SVBP: variants seen among roughly 807,000 people sequenced by gnomAD.
SVBP encodes small vasohibin-binding protein.
In SVBP, 9 loss-of-function variants were observed where a neutral mutation model predicts 9.2. The ratio of observed to expected loss-of-function variants is 0.98; its 90% CI spans 0.59 to 1.71. The LOEUF (loss-of-function observed/expected upper bound fraction) is 1.71. Among genes scored for constraint, SVBP ranks in the 40% most tolerant of loss-of-function variants. SVBP has a pLI of 0.00. For synonymous variants in SVBP, 27 were observed against 23.9 expected (o/e 1.13, Z -0.37); for missense variants, 63 against 73.2 (o/e 0.86, Z 0.51).
intron 2 of SVBP, among the ~76,000 whole-genome samples, chr1:42,814,168 G>T (rs548002962): frequency 6.7e-6 from 1 of 148,598 alleles, no homozygotes; most frequent in East Asian, 2.0e-4. Flanking sequence ...GGCAACCTCC[G>T]TCTCCTGGGT....
intron 2 of SVBP, among the ~76,000 whole-genome samples, chr1:42,810,521 C>T (rs191125966): frequency 2.6e-4 from 40 of 152,224 alleles, no homozygotes; most frequent in African/African-American, 8.9e-4. Flanking sequence ...TTTTAATCTG[C>T]ACATTACTGT....
rs752044972 is a variant in SVBP at position 42,816,491 on chromosome 1, T to C, written c.54A>G (p.Arg18=). The C allele has an allele frequency of 3.7e-6, 6 of 1,614,096 alleles. No individual in the cohort carries two copies. The African/African-American group carries it at 8.0e-5, about 22-fold the overall frequency. The part of the protein sequence containing the change: ...EKTKVKESVS[R]VEKAKQKSAQ... ...CTGATTTCTGTTTGGCCTTCTCAACTCTGCTGACAGATTCTTTAACTTTGG... is the reference window on the plus strand; with the variant it reads ...CTGATTTCTGTTTGGCCTTCTCAACCCTGCTGACAGATTCTTTAACTTTGG... The change falls in exon 2 of 3, where the codon AGA becomes AGG. Residue 18 remains arginine (R), a synonymous_variant. Coordinates refer to ENST00000372521, the MANE Select transcript of SVBP (RefSeq NM_199342.4).
chr1:42,808,389 C>A (rs1654012352), intron 2 of SVBP, among the ~76,000 whole-genome samples: 1 of 139,236 alleles, frequency 7.2e-6, no homozygotes, highest in African/African-American at 2.7e-5. Flanking sequence ...TATATATAGG[C>A]TATATATAGT....
chr1:42,814,856 T>A lies in SVBP; in HGVS notation c.114+1575A>T, dbSNP rs532681347. ...CTAGAAATACCATTTGACCCAGCCA[T>A]CCCATTACTGGGTATATACCCAAAG... is the stretch of plus-strand genomic sequence containing the variant. On this transcript the variant is annotated intron_variant, in intron 2 of 2. Coordinates refer to ENST00000372521, the MANE Select transcript of SVBP (RefSeq NM_199342.4). Among the ~76,000 whole-genome samples, 6 of 152,210 alleles carry A rather than the reference T, an allele frequency of 3.9e-5. No individual in the cohort carries two copies. The South Asian group carries it at 1.2e-3, about 32-fold the overall frequency.
chr1:42,816,245 G>T, intron 2 of SVBP, 186 bp downstream of exon 2: 1 of 518,198 alleles, frequency 1.9e-6, no homozygotes, highest in South Asian at 2.8e-5. Context: ...CACTAACTTG[G>T]CATGTGATTC....
chr1:42,810,125 TAC>T (rs60221264), intron 2 of SVBP, among the ~76,000 whole-genome samples: 30,458 of 140,700 alleles, frequency 0.22, 3,277 homozygotes, highest in East Asian at 0.42. Context: ...CATACATACA[TAC>T]ACACACACAC....
At chr1:42,807,622 C>A in intron 2 of SVBP, 122 bp from the exon 3 acceptor site, 1 of 720,038 alleles carries the variant, frequency 1.4e-6, no homozygotes, top group South Asian at 1.6e-5. Flanking sequence ...AATGCAGGGA[C>A]AGTGCTCTGG....
intron 2 of SVBP, among the ~76,000 whole-genome samples, chr1:42,812,742 T>A (rs1219521721): frequency 6.6e-6 from 1 of 152,252 alleles, no homozygotes; most frequent in Non-Finnish European, 1.5e-5. Context: ...AACCTTTTAG[T>A]ATGCTTTTGC....
chr1:42,816,379 A>G, intron 2 of SVBP, 52 bp downstream of exon 2: 1 of 1,272,286 alleles, frequency 7.9e-7, no homozygotes, highest in East Asian at 2.3e-5. Context: ...TCTCTATTCC[A>G]GCATCATCTC....
chr1:42,807,287 G>T lies in SVBP; in HGVS notation c.*127C>A. Reference sequence around the variant, plus strand: ...AAGTTAGAAGTTACACACAGGAAGTGAGTTCAGATTTATCCACAAATGTCT... The same window carrying T: ...AAGTTAGAAGTTACACACAGGAAGTTAGTTCAGATTTATCCACAAATGTCT... On this transcript the variant is annotated 3_prime_UTR_variant, in exon 3 of 3. Transcript: ENST00000372521. The T allele has an allele frequency of 1.7e-6, 1 of 590,186 alleles. No individual in the cohort carries two copies. The highest frequency in any genetic ancestry group is 2.4e-5 in the South Asian group (1 of 41,096). The allele number at this position is 590,186 out of a possible 1,614,324, so 36.6% of individuals were successfully genotyped here.
intron 2 of SVBP, among the ~76,000 whole-genome samples, chr1:42,808,665 CTATATATGTATG>C (rs1654018782): frequency 6.7e-6 from 1 of 149,250 alleles, no homozygotes; most frequent in South Asian, 2.1e-4. Flanking sequence ...TATATATAAG[CTATATATGTATG>C]TATATATCGC....
chr1:42,807,506 T>G lies in SVBP; in HGVS notation c.115-6A>C. 6.2e-7 allele frequency: 1 copy of G among 1,608,550 alleles called. No homozygotes were observed. Among genetic ancestry groups the G allele is most frequent in the Non-Finnish European group, 8.5e-7 (1 of 1,175,146 alleles). ...ACTCTGTTGAGGGCATAGATCTGAA[T>G]GAGAGAAAGAGATACATCTGTTAGC... is the stretch of plus-strand genomic sequence containing the variant. On this transcript the variant is annotated splice_region_variant and splice_polypyrimidine_tract_variant and intron_variant, in intron 2 of 2. Transcript: ENST00000372521.
chr1:42,812,614 T>A (rs935274120), intron 2 of SVBP, among the ~76,000 whole-genome samples: 3 of 152,218 alleles, frequency 2.0e-5, no homozygotes, highest in Admixed American at 2.0e-4. Flanking sequence ...AAATTTGCAA[T>A]GTTGTCACAT....
intron 2 of SVBP, among the ~76,000 whole-genome samples, chr1:42,809,747 A>C (rs559675312): frequency 2.6e-4 from 40 of 152,338 alleles, no homozygotes; most frequent in African/African-American, 8.9e-4. Context: ...CGGCTGATGA[A>C]ACTAGTAAAT....
At chr1:42,816,033 G>C (rs979623451) in intron 2 of SVBP, among the ~76,000 whole-genome samples, 4 of 152,216 alleles carry the variant, frequency 2.6e-5, no homozygotes, top group African/African-American at 7.2e-5. Context: ...GAACACACTG[G>C]TGAGTTTAAA....
chr1:42,809,445 G>A (rs892793015), intron 2 of SVBP, among the ~76,000 whole-genome samples: 10 of 151,996 alleles, frequency 6.6e-5, no homozygotes, highest in African/African-American at 2.4e-4. Context: ...AAAAAACCTT[G>A]CAAACCTCTG....
rs769441994 is a variant in SVBP at position 42,817,263 on chromosome 1, G to C, written c.-110C>G. On this transcript the variant is annotated 5_prime_UTR_variant, in exon 1 of 3. Coordinates refer to ENST00000372521, the MANE Select transcript of SVBP (RefSeq NM_199342.4). The stretch of plus-strand genomic sequence containing the variant: ...CAACGCCTCCGGGAGGGTAATCCTC[G>C]CCTTCCCCCGACCACTGGACCCAGC... The C allele has an allele frequency of 8.0e-7, 1 of 1,245,400 alleles. No individual in the cohort carries two copies. The highest frequency in any genetic ancestry group is 2.6e-5 in the Admixed American group (1 of 38,418). 77.1% of individuals were successfully genotyped at this position (1,245,400 alleles called of 1,614,324 possible). A position where few individuals can be genotyped will look rare whatever the true frequency, so the allele number is the denominator to read the frequency against.
Position 42,807,153 on chromosome 1 carries a change from G to GTGTTTTTTT in SVBP, c.*260_*261insAAAAAAACA, listed in dbSNP as rs370658595. 5.6e-6 allele frequency: 1 copy of GTGTTTTTTT among 177,824 alleles called. No homozygotes were observed. 11.0% of individuals were successfully genotyped at this position (177,824 alleles called of 1,614,324 possible). ...AATAGAAAAAGTGTTTTTTGTGTGT[G>GTGTTTTTTT]TTTTTTTTTTTTTTTTAAAAAAACC... On this transcript the variant is annotated 3_prime_UTR_variant, in exon 3 of 3. Coordinates refer to ENST00000372521, the MANE Select transcript of SVBP (RefSeq NM_199342.4).
intron 2 of SVBP, among the ~76,000 whole-genome samples, chr1:42,810,865 C>T (rs191743973): frequency 3.1e-4 from 47 of 152,246 alleles, no homozygotes; most frequent in African/African-American, 1.0e-3. Context: ...ACAGGATAGG[C>T]GCGGCGGCTC....
Sources: allele counts gnomAD v4.1 joint callset (sites outside exome capture counted in the v4.1 genomes callset), GRCh38; gene constraint gnomAD v4.1.1; transcripts MANE v1.5; gene names NCBI Gene and HGNC (gene_info 2026-07-23, HGNC 2026-07-21).